LHX9: variants seen among roughly 807,000 people sequenced by gnomAD.
LHX9 encodes the protein LIM homeobox 9, also known as LIM/homeobox protein Lhx9.
LHX9 carries 9 observed loss-of-function variants against 36.5 expected under a neutral mutation model. The observed-to-expected ratio is 0.25, with a 90% CI of 0.15 to 0.43. The LOEUF is 0.43. Ranked by LOEUF, LHX9 falls within the 20% of genes least tolerant of loss-of-function variation. The probability of loss-of-function intolerance (pLI) is 1.00; values close to 1 mark genes in which losing one functional copy is unlikely to be tolerated. For synonymous variants in LHX9, 211 were observed against 212.1 expected (o/e 0.99, Z 0.04); for missense variants, 464 against 526.4 (o/e 0.88, Z 1.16).
At position 197,933,368 on chromosome 1, in the gene LHX9, A is replaced by AT. The variant is rs1315439613; in HGVS notation, c.*4110dup. 1.3e-5 allele frequency: 2 copies of AT among 152,152 alleles called. No individual in the cohort carries two copies. Among genetic ancestry groups the AT allele is most frequent in the Non-Finnish European group, 2.9e-5 (2 of 67,998 alleles). 9.4% of individuals were successfully genotyped at this position (152,152 alleles called of 1,614,324 possible). A position where few individuals can be genotyped will look rare whatever the true frequency, so the allele number is the denominator to read the frequency against. Reference sequence around the variant, plus strand: ...TTAAAGAAGAGAGAGCAACTTACTAATAAAAAAAAGCAATGCACCATGACA... The same window carrying AT: ...TTAAAGAAGAGAGAGCAACTTACTAATTAAAAAAAAGCAATGCACCATGACA... On this transcript the variant is annotated 3_prime_UTR_variant, in exon 5 of 5. Transcript: ENST00000367387.
At chr1:197,924,329 C>A (rs1191259640) in intron 3 of LHX9, among the ~76,000 whole-genome samples, 6 of 152,140 alleles carry the variant, frequency 3.9e-5, no homozygotes, top group African/African-American at 1.4e-4. Context: ...AATATGTTTT[C>A]AAAATGTGCA....
chr1:197,919,900 C>T, intron 1 of LHX9, 72 bp from the exon 2 acceptor site: 1 of 1,533,556 alleles, frequency 6.5e-7, no homozygotes, highest in Non-Finnish European at 8.9e-7. Flanking sequence ...CTTGGTCTGC[C>T]TGGGGGAGAA....
At position 197,929,836 on chromosome 1, in the gene LHX9, C is replaced by CAGACATTTT; in HGVS notation, c.*579_*587dup. On this transcript the variant is annotated 3_prime_UTR_variant, in exon 5 of 5. Coordinates refer to ENST00000367387, the MANE Select transcript of LHX9 (RefSeq NM_020204.3). ...TATGATGAAATAAAAGCATTAACTA[C>CAGACATTTT]AGACATTTTAAATAGTAATGATTAA... 1 of 947,176 alleles carries CAGACATTTT rather than the reference C, an allele frequency of 1.1e-6. No individual in the cohort carries two copies. The highest frequency in any genetic ancestry group is 1.8e-5 in the African/African-American group (1 of 56,556). The allele number at this position is 947,176 out of a possible 1,614,324, so 58.7% of individuals were successfully genotyped here.
rs372690398 is a variant in LHX9, at chr1:197,920,502, G to A, written c.377+328G>A. The stretch of plus-strand genomic sequence containing the variant: ...TCCGTCTACCGAGACTTGATTGGGT[G>A]TTTGTTTTCCGCTTGCTACGAATTG... On this transcript the variant is annotated intron_variant, in intron 2 of 4. Coordinates refer to ENST00000367387, the MANE Select transcript of LHX9 (RefSeq NM_020204.3). 3.1e-4 allele frequency among the ~76,000 whole-genome samples: 47 copies of A among 152,284 alleles called. 1 individual carries two copies. The highest frequency in any genetic ancestry group is 1.1e-3 in the African/African-American group (47 of 41,566).
rs1214628493 is a variant in LHX9, at chr1:197,929,074, GCTGACGGCACGTCGCTT to G, written c.1011_1027del (p.Asp338GlyfsTer36). ...GCAGGAGAATGGGGGTGTTGATAAA[GCTGACGGCACGTCGCTT>G]CCGGCCCCGCCCTCAGCAGACAGCG... is the stretch of plus-strand genomic sequence containing the variant. On this transcript the variant is annotated frameshift_variant, in exon 5 of 5. Transcript: ENST00000367387. LOFTEE classifies it high-confidence loss of function. The G allele has an allele frequency of 6.2e-7, 1 of 1,613,650 alleles. No homozygotes were observed.
upstream of LHX9, among the ~76,000 whole-genome samples, chr1:197,915,622 T>C (rs950978796): frequency 3.9e-5 from 6 of 152,200 alleles, no homozygotes; most frequent in Non-Finnish European, 7.3e-5. Flanking sequence ...AGCTGCATTT[T>C]GGCACCCGGA....
Position 197,917,859 on chromosome 1 carries a change from G to C in LHX9, c.36G>C (p.Ser12=). Residue 12 remains serine, a synonymous_variant, in exon 1 of 5, where the codon TCG becomes TCC. Coordinates refer to ENST00000367387, the MANE Select transcript of LHX9 (RefSeq NM_020204.3). The stretch of plus-strand genomic sequence containing the variant: ...TGGGGTGCCGAGCAGAAGACAACTC[G>C]TGTCCTTTCCGCCCCCCAGCCATGC... The part of the protein sequence containing the change: ...EIVGCRAEDN[S]CPFRPPAMLF... The C allele has an allele frequency of 3.7e-6, 6 of 1,614,226 alleles. No homozygotes were observed. The highest frequency in any genetic ancestry group is 5.1e-6 in the Non-Finnish European group (6 of 1,180,044).
chr1:197,915,379 A>G (rs56270311), upstream of LHX9, among the ~76,000 whole-genome samples: 2,860 of 152,226 alleles, frequency 0.019, 40 homozygotes, highest in Non-Finnish European at 0.026. Flanking sequence ...CCCTTTTGTG[A>G]GAGGACCTGC....
intron 2 of LHX9, 116 bp downstream of exon 2, chr1:197,920,290 A>C (rs1359253264): frequency 1.5e-5 from 11 of 725,580 alleles, no homozygotes; most frequent in Non-Finnish European, 2.3e-5. Flanking sequence ...TGCTGTTATC[A>C]TTTCGGAGAC....
Position 197,931,725 on chromosome 1 carries a change from C to T in LHX9, c.*2466C>T. ...AAAGTAATGCCCCACTGATTTGACTCAGTCCAATTTTTAGAATAAAAAGGC... is the reference window on the plus strand; with the variant it reads ...AAAGTAATGCCCCACTGATTTGACTTAGTCCAATTTTTAGAATAAAAAGGC... On this transcript the variant is annotated 3_prime_UTR_variant, in exon 5 of 5. Coordinates refer to ENST00000367387, the MANE Select transcript of LHX9 (RefSeq NM_020204.3). 1 of 474,440 alleles carries T rather than the reference C, an allele frequency of 2.1e-6. No individual in the cohort carries two copies. The highest frequency in any genetic ancestry group is 3.8e-6 in the Non-Finnish European group (1 of 259,826). The allele number at this position is 474,440 out of a possible 1,614,324, so 29.4% of individuals were successfully genotyped here. A position where few individuals can be genotyped will look rare whatever the true frequency, so the allele number is the denominator to read the frequency against.
intron 2 of LHX9, 73 bp downstream of exon 2, chr1:197,920,247 C>G: frequency 7.0e-7 from 1 of 1,432,040 alleles, no homozygotes; most frequent in Non-Finnish European, 9.8e-7. Flanking sequence ...CCGGAATCCC[C>G]TCTCCGTCCC....
chr1:197,919,066 C>G (rs1021586830), intron 1 of LHX9, among the ~76,000 whole-genome samples: 3 of 152,216 alleles, frequency 2.0e-5, no homozygotes, highest in Non-Finnish European at 2.9e-5. Flanking sequence ...GGAAGATCAA[C>G]CCATTTCTGC....
At chr1:197,912,811 TC>T (rs2102586799), upstream of LHX9, 1 of 546,054 alleles carries the variant, frequency 1.8e-6, no homozygotes, top group South Asian at 2.2e-5. Context: ...AGGATCAGTG[TC>T]CGGGGCGCCA....
chr1:197,916,455 A>C (rs1659755408), upstream of LHX9: 1 of 563,492 alleles, frequency 1.8e-6, no homozygotes, highest in Admixed American at 3.1e-5. Flanking sequence ...CTGCGGGGGC[A>C]GGCGCCAAGC....
chr1:197,912,671 G>C (rs1659653937), upstream of LHX9: 1 of 1,100,194 alleles, frequency 9.1e-7, no homozygotes, highest in South Asian at 1.2e-5. Flanking sequence ...ACGAAGAGGA[G>C]TGTGTGTTTG....
At chr1:197,919,489 G>A (rs2102593666) in intron 1 of LHX9, among the ~76,000 whole-genome samples, 1 of 152,294 alleles carries the variant, frequency 6.6e-6, no homozygotes, top group Admixed American at 6.5e-5. Context: ...TCTCCCCTTT[G>A]CTTTTGATTT....
chr1:197,922,711 AT>A (rs2102597298), intron 3 of LHX9, among the ~76,000 whole-genome samples: 1 of 152,306 alleles, frequency 6.6e-6, no homozygotes, highest in East Asian at 1.9e-4. Flanking sequence ...GTGGCTGAGA[AT>A]CTCAGCAGAC....
At chr1:197,916,044 T>C (rs1316247621), upstream of LHX9, 6 of 151,810 alleles carry the variant, frequency 4.0e-5, 1 homozygote, top group African/African-American at 1.5e-4. Context: ...CGGCGGGAAG[T>C]AGTGGGGAAC....
Position 197,927,625 on chromosome 1 carries a change from G to A in LHX9, c.768G>A (p.Arg256=). The part of the protein sequence containing the change: ...CNENEADHLD[R]DQQPYPPSQK... ...AGAATGAGGCAGACCACTTGGACCGGGACCAGCAGCCTTATCCACCCTCGC... is the reference window on the plus strand; with the variant it reads ...AGAATGAGGCAGACCACTTGGACCGAGACCAGCAGCCTTATCCACCCTCGC... The change falls in exon 4 of 5, where the codon CGG becomes CGA. Residue 256 remains arginine, a synonymous_variant. Transcript: ENST00000367387. 6.2e-7 allele frequency: 1 copy of A among 1,614,130 alleles called. No individual in the cohort carries two copies. Among genetic ancestry groups the A allele is most frequent in the Non-Finnish European group, 8.5e-7 (1 of 1,180,006 alleles).
Sources: allele counts gnomAD v4.1 joint callset (sites outside exome capture counted in the v4.1 genomes callset), GRCh38; gene constraint gnomAD v4.1.1; transcripts MANE v1.5; gene names NCBI Gene and HGNC (gene_info 2026-07-23, HGNC 2026-07-21).